TRPM3: variants seen among roughly 807,000 people sequenced by gnomAD.
The protein encoded by TRPM3 is long transient receptor potential channel 3.
In TRPM3, 77 loss-of-function variants were observed where a neutral mutation model predicts 181.2. That is an observed-to-expected ratio of 0.42 (90% CI 0.35 to 0.51). The LOEUF is 0.51. Among genes scored for constraint, TRPM3 ranks in the 20% least tolerant of loss-of-function variants. The pLI, the probability that TRPM3 is intolerant of heterozygous loss-of-function variation, is 0.01. For missense variants in TRPM3, 1,759 were observed against 2,196.7 expected (o/e 0.80, Z 3.98); for synonymous variants, 745 against 796.4 (o/e 0.94, Z 1.09).
At chr9:71,146,588 T>C (rs2075418964) in intron 1 of TRPM3, among the ~76,000 whole-genome samples, 1 of 152,154 alleles carries the variant, frequency 6.6e-6, no homozygotes, top group Non-Finnish European at 1.5e-5. Context: ...TAGTGGAGAC[T>C]GGTTTTTTGT....
intron 1 of TRPM3, among the ~76,000 whole-genome samples, chr9:71,070,139 T>C (rs1242011760): frequency 6.6e-6 from 1 of 152,224 alleles, no homozygotes; most frequent in East Asian, 1.9e-4. Flanking sequence ...AAATATCTGG[T>C]CAAAGTGTCA....
At chr9:71,437,448 T>C (rs1352533897) in intron 1 of TRPM3, among the ~76,000 whole-genome samples, 1 of 152,200 alleles carries the variant, frequency 6.6e-6, no homozygotes, top group East Asian at 1.9e-4. Flanking sequence ...ATTCCTATTT[T>C]AGTGTTTATA....
At chr9:70,630,663 C>A (rs564584926) in intron 12 of TRPM3, among the ~76,000 whole-genome samples, 13 of 152,218 alleles carry the variant, frequency 8.5e-5, no homozygotes, top group African/African-American at 3.1e-4. Context: ...TCCCCCTCCC[C>A]CTTCGGTAAT....
At chr9:70,642,034 G>A (rs948302387) in intron 9 of TRPM3, among the ~76,000 whole-genome samples, 1 of 152,210 alleles carries the variant, frequency 6.6e-6, no homozygotes, top group Non-Finnish European at 1.5e-5. Context: ...TTAGTGCACT[G>A]AGGAAGAGAC....
At chr9:71,069,045 C>T (rs571986220) in intron 1 of TRPM3, among the ~76,000 whole-genome samples, 1 of 152,258 alleles carries the variant, frequency 6.6e-6, no homozygotes, top group African/African-American at 2.4e-5. Context: ...TTAAACAATG[C>T]CCCTTAGACT....
chr9:71,169,967 C>T (rs1428290389), intron 1 of TRPM3, among the ~76,000 whole-genome samples: 1 of 139,718 alleles, frequency 7.2e-6, no homozygotes, highest in Admixed American at 7.6e-5. Context: ...TGCCACTGCA[C>T]TCCAGCCTGG....
chr9:71,398,179 A>G (rs1290611729), intron 1 of TRPM3, among the ~76,000 whole-genome samples: 1 of 152,202 alleles, frequency 6.6e-6, no homozygotes, highest in Admixed American at 6.5e-5. Flanking sequence ...GTTACCCTTT[A>G]TAAGTTCAAG....
At chr9:71,435,831 T>C (rs1470269951) in intron 1 of TRPM3, among the ~76,000 whole-genome samples, 3 of 152,154 alleles carry the variant, frequency 2.0e-5, no homozygotes, top group Non-Finnish European at 2.9e-5. Context: ...ATTACCCAGG[T>C]GGGCCCAATG....
intron 1 of TRPM3, among the ~76,000 whole-genome samples, chr9:71,148,984 C>T (rs1019318781): frequency 3.3e-5 from 5 of 152,000 alleles, no homozygotes; most frequent in African/African-American, 1.2e-4. Flanking sequence ...CAGAAAGAAT[C>T]ATATAGCTGG....
intron 1 of TRPM3, among the ~76,000 whole-genome samples, chr9:70,921,062 C>T (rs1017271083): frequency 2.0e-5 from 3 of 152,168 alleles, no homozygotes; most frequent in East Asian, 3.9e-4. Flanking sequence ...TTTGATTGCT[C>T]CCACTCTGGT....
chr9:71,035,780 A>C (rs1238131167), intron 1 of TRPM3, among the ~76,000 whole-genome samples: 1 of 152,154 alleles, frequency 6.6e-6, no homozygotes, highest in African/African-American at 2.4e-5. Flanking sequence ...TCAAACTTTT[A>C]CTGGGACTTG....
At chr9:70,572,355 T>C (rs559119370) in intron 22 of TRPM3, among the ~76,000 whole-genome samples, 1 of 152,330 alleles carries the variant, frequency 6.6e-6, no homozygotes, top group South Asian at 2.1e-4. Context: ...AATAACCACC[T>C]ATATTTGCCA....
chr9:70,938,831 G>A (rs538338385), intron 1 of TRPM3, among the ~76,000 whole-genome samples: 93 of 152,012 alleles, frequency 6.1e-4, no homozygotes, highest in African/African-American at 2.2e-3. Context: ...GGTGGCGGGC[G>A]CCTGTAGTCC....
intron 1 of TRPM3, among the ~76,000 whole-genome samples, chr9:70,963,552 C>T (rs1271760157): frequency 6.6e-6 from 1 of 152,070 alleles, no homozygotes; most frequent in Non-Finnish European, 1.5e-5. Flanking sequence ...GTGGTGGCAA[C>T]ACAGACTTGT....
chr9:71,391,510 A>G (rs1311984828), intron 1 of TRPM3, among the ~76,000 whole-genome samples: 1 of 152,026 alleles, frequency 6.6e-6, no homozygotes, highest in East Asian at 1.9e-4. Context: ...ATATGCCCAG[A>G]TTAAAATGAC....
At chr9:70,768,794 T>C (rs2079627730) in intron 7 of TRPM3, among the ~76,000 whole-genome samples, 1 of 152,084 alleles carries the variant, frequency 6.6e-6, no homozygotes, top group African/African-American at 2.4e-5. Context: ...CCCCTTTGAA[T>C]TGCTTTATTT....
intron 22 of TRPM3, among the ~76,000 whole-genome samples, chr9:70,555,014 A>G (rs2047311336): frequency 6.6e-6 from 1 of 152,204 alleles, no homozygotes; most frequent in Non-Finnish European, 1.5e-5. Flanking sequence ...GCATGAAGTC[A>G]AACTCTGAGA....
intron 22 of TRPM3, among the ~76,000 whole-genome samples, chr9:70,590,388 A>G (rs543481788): frequency 6.6e-6 from 1 of 152,362 alleles, no homozygotes; most frequent in African/African-American, 2.4e-5. Flanking sequence ...GAATCGTTTC[A>G]TAATATAGAT....
intron 6 of TRPM3, among the ~76,000 whole-genome samples, chr9:70,802,901 T>A (rs779041117): frequency 5.3e-5 from 8 of 152,046 alleles, no homozygotes; most frequent in Non-Finnish European, 7.4e-5. Context: ...TGTTAATTAA[T>A]TCAGGTTTTG....
Sources: gnomAD v4.1 joint callset for allele counts (sites outside exome capture counted in the v4.1 genomes callset) on GRCh38, gnomAD v4.1.1 for gene constraint, MANE v1.5 for transcripts, NCBI Gene and HGNC (gene_info 2026-07-23, HGNC 2026-07-21) for gene names.